The following MKLN1 variants were observed in gnomAD, a reference collection of about 807,000 sequenced individuals.
MKLN1 encodes muskelin 1, also known as muskelin.
In MKLN1, 18 loss-of-function variants were observed where a neutral mutation model predicts 99.0. That is an observed-to-expected ratio of 0.18 (90% confidence interval 0.13 to 0.27). MKLN1 has a LOEUF of 0.27. Ranked by LOEUF, MKLN1 falls within the 10% of genes least tolerant of loss-of-function variation. The pLI is 1.00. For missense variants in MKLN1, 621 were observed against 875.9 expected (o/e 0.71, Z 3.67); for synonymous variants, 288 against 293.2 (o/e 0.98, Z 0.18).
At chr7:131,477,287 CAGTAA>C (rs767009299) in intron 16 of MKLN1, among the ~76,000 whole-genome samples, 47 of 151,766 alleles carry the variant, frequency 3.1e-4, no homozygotes, top group Non-Finnish European at 3.4e-4. Context: ...TGGCTCACAC[CAGTAA>C]TCCCAGCATT....
At chr7:131,234,105 GAGTA>G (rs1797281684) in intron 3 of MKLN1, among the ~76,000 whole-genome samples, 1 of 151,838 alleles carries the variant, frequency 6.6e-6, no homozygotes, top group Admixed American at 6.6e-5. Context: ...TCAGCCTCCC[GAGTA>G]GCTGGGATTA....
chr7:131,388,849 A>G (rs1050131012), intron 3 of MKLN1, 35 bp from the exon 4 acceptor site: 2 of 1,401,514 alleles, frequency 1.4e-6, no homozygotes, highest in Non-Finnish European at 2.0e-6. Context: ...CTAAATTATG[A>G]AGTCAGATTT....
intron 8 of MKLN1, among the ~76,000 whole-genome samples, chr7:131,421,154 G>GA (rs1795179903): frequency 6.6e-6 from 1 of 152,122 alleles, no homozygotes; most frequent in Non-Finnish European, 1.5e-5. Flanking sequence ...GTTGCTTTCT[G>GA]AACTTGGTTT....
intron 3 of MKLN1, among the ~76,000 whole-genome samples, chr7:131,244,791 C>T (rs1125198): frequency 0.87 from 131,849 of 152,014 alleles, 57,494 homozygotes; most frequent in East Asian, 0.96. Context: ...CCCCTTCTTT[C>T]CTCTTTCTAG....
chr7:131,253,095 A>G (rs1425547365), intron 3 of MKLN1, among the ~76,000 whole-genome samples: 2 of 152,216 alleles, frequency 1.3e-5, no homozygotes, highest in African/African-American at 4.8e-5. Flanking sequence ...TAAGACAACC[A>G]TTTAAAGTCT....
At position 131,164,018 on chromosome 7, in the gene MKLN1, TC is replaced by T. The variant is rs1485334469; in HGVS notation, c.-297+21078del. On this transcript the variant is annotated intron_variant, in intron 2 of 7. Coordinates refer to the MKLN1 transcript ENST00000416992. ...GCAAATTAAGCTTTGCCACAGGGCC[TC>T]GTTCCCAAATGTTTAAACCCTCTCA... Among the ~76,000 whole-genome samples the T allele has an allele frequency of 3.9e-4, 59 of 152,310 alleles. 1 individual carries two copies. Among genetic ancestry groups the T allele is most frequent in the Non-Finnish European group, 1.3e-4 (9 of 68,016 alleles).
At chr7:131,458,300 C>T (rs941160481) in intron 12 of MKLN1, among the ~76,000 whole-genome samples, 6 of 152,176 alleles carry the variant, frequency 3.9e-5, no homozygotes, top group African/African-American at 1.2e-4. Flanking sequence ...TTTGCCTTAG[C>T]ACATTTGCCG....
intron 8 of MKLN1, among the ~76,000 whole-genome samples, chr7:131,428,606 T>C (rs933413881): frequency 6.6e-6 from 1 of 152,214 alleles, no homozygotes; most frequent in African/African-American, 2.4e-5. Context: ...AGAATCTGAA[T>C]TAAAAAATTC....
chr7:131,437,883 C>T lies in MKLN1; in HGVS notation c.1059C>T (p.Asn353=), dbSNP rs772598082. ...LGRYLDSSVR[N]SKSLKSDFYR... The stretch of plus-strand genomic sequence containing the variant: ...GTTACTTGGATTCCTCTGTGAGGAA[C>T]AGCAAATCTCTGAAAAGTGACTTCT... Residue 353 remains asparagine, a synonymous_variant, in exon 10 of 18, where the codon AAC becomes AAT. Transcript: ENST00000352689. 8.7e-6 allele frequency: 14 copies of T among 1,613,618 alleles called. No individual in the cohort carries two copies. The Admixed American group carries it at 2.2e-4, about 25-fold the overall frequency.
chr7:131,464,525 A>G (rs1008069980), intron 14 of MKLN1, 117 bp downstream of exon 14: 2 of 576,726 alleles, frequency 3.5e-6, no homozygotes, highest in Non-Finnish European at 3.1e-6. Context: ...TACATAGTAG[A>G]CATTCAATAG....
intron 3 of MKLN1, among the ~76,000 whole-genome samples, chr7:131,253,950 G>A (rs925595007): frequency 6.6e-6 from 1 of 152,156 alleles, no homozygotes; most frequent in Non-Finnish European, 1.5e-5. Context: ...AAACCTCAAG[G>A]ACTGACCTCA....
intron 2 of MKLN1, among the ~76,000 whole-genome samples, chr7:131,154,362 G>T (rs1002830232): frequency 2.6e-5 from 4 of 152,142 alleles, no homozygotes; most frequent in Non-Finnish European, 5.9e-5. Flanking sequence ...GATTACAGGT[G>T]TGAGCCACCG....
intron 2 of MKLN1, among the ~76,000 whole-genome samples, chr7:131,159,666 A>C (rs745658643): frequency 2.0e-5 from 3 of 152,166 alleles, no homozygotes; most frequent in South Asian, 2.1e-4. Context: ...ACAGTAGGGA[A>C]ATTAAAGTTG....
At chr7:131,280,704 A>G (rs991376999) in intron 3 of MKLN1, among the ~76,000 whole-genome samples, 5 of 150,654 alleles carry the variant, frequency 3.3e-5, no homozygotes, top group Admixed American at 1.3e-4. Flanking sequence ...GCTGGAGTGC[A>G]GTGGCACAAT....
At chr7:131,468,607 A>AT (rs1465098182) in intron 15 of MKLN1, among the ~76,000 whole-genome samples, 1 of 152,138 alleles carries the variant, frequency 6.6e-6, no homozygotes, top group East Asian at 1.9e-4. Context: ...TACCACTATT[A>AT]TTTTTTCATA....
intron 13 of MKLN1, 41 bp from the exon 14 acceptor site, chr7:131,464,253 C>A: frequency 8.0e-7 from 1 of 1,254,186 alleles, no homozygotes; most frequent in Non-Finnish European, 1.1e-6. Flanking sequence ...ATTATCTTTG[C>A]TGCTAATTCT....
At chr7:131,460,273 C>G (rs1465231113) in intron 12 of MKLN1, among the ~76,000 whole-genome samples, 2 of 152,024 alleles carry the variant, frequency 1.3e-5, no homozygotes, top group Non-Finnish European at 2.9e-5. Flanking sequence ...TTTTTTTCCT[C>G]CTGTCTATAA....
intron 2 of MKLN1, among the ~76,000 whole-genome samples, chr7:131,150,611 T>C (rs1004464185): frequency 2.0e-5 from 3 of 151,790 alleles, no homozygotes; most frequent in Admixed American, 6.6e-5. Context: ...CAAGTGTAGA[T>C]TGAGTTTATG....
chr7:131,176,518 T>A (rs1351475928), intron 2 of MKLN1, among the ~76,000 whole-genome samples: 2 of 152,206 alleles, frequency 1.3e-5, no homozygotes, highest in African/African-American at 2.4e-5. Flanking sequence ...TTGTCAATTG[T>A]TTTATACTGA....
Sources: gnomAD v4.1 joint callset for allele counts (sites outside exome capture counted in the v4.1 genomes callset) on GRCh38, gnomAD v4.1.1 for gene constraint, MANE v1.5 for transcripts, NCBI Gene and HGNC (gene_info 2026-07-23, HGNC 2026-07-21) for gene names.